CFAP299: variants seen among roughly 807,000 people sequenced by gnomAD.
The protein encoded by CFAP299 is cilia- and flagella-associated protein 299.
A neutral mutation model predicts 27.0 loss-of-function variants in CFAP299; 21 were observed. The observed-to-expected ratio is 0.78, with a 90% CI of 0.55 to 1.12. The LOEUF is 1.12. CFAP299 is among the 50% of genes most tolerant of loss of function. CFAP299 has a pLI of 0.00. For synonymous variants in CFAP299, 104 were observed against 98.1 expected (o/e 1.06, Z -0.36); for missense variants, 310 against 276.6 (o/e 1.12, Z -0.86).
intron 2 of CFAP299, among the ~76,000 whole-genome samples, chr4:80,524,640 C>A (rs1296954750): frequency 6.6e-6 from 1 of 152,098 alleles, no homozygotes; most frequent in Non-Finnish European, 1.5e-5. Flanking sequence ...CAAAGCAAAA[C>A]TCATGATGGA....
chr4:80,470,686 A>G (rs1729950531), intron 2 of CFAP299, among the ~76,000 whole-genome samples: 1 of 152,152 alleles, frequency 6.6e-6, no homozygotes, highest in East Asian at 1.9e-4. Context: ...AGCATGACAT[A>G]CTATTCATGA....
intron 4 of CFAP299, among the ~76,000 whole-genome samples, chr4:80,878,423 A>G (rs777799947): frequency 6.6e-6 from 1 of 152,084 alleles, no homozygotes; most frequent in Admixed American, 6.5e-5. Context: ...GAACTTCTCC[A>G]TTACATATTG....
intron 2 of CFAP299, among the ~76,000 whole-genome samples, chr4:80,492,435 G>A (rs909173495): frequency 6.6e-6 from 1 of 152,174 alleles, no homozygotes; most frequent in African/African-American, 2.4e-5. Flanking sequence ...ATAAACATAT[G>A]ATGGCTCATC....
At chr4:80,961,185 T>A (rs1738327119) in intron 5 of CFAP299, among the ~76,000 whole-genome samples, 1 of 151,744 alleles carries the variant, frequency 6.6e-6, no homozygotes, top group African/African-American at 2.4e-5. Flanking sequence ...TTTCATTATC[T>A]AAAATATTGT....
At chr4:80,694,336 G>A (rs1324410557) in intron 3 of CFAP299, among the ~76,000 whole-genome samples, 3 of 152,194 alleles carry the variant, frequency 2.0e-5, no homozygotes, top group Non-Finnish European at 1.5e-5. Flanking sequence ...CATGCCACCT[G>A]ACTGAGAGTG....
intron 3 of CFAP299, among the ~76,000 whole-genome samples, chr4:80,827,628 C>CT (rs1206771438): frequency 2.6e-5 from 4 of 151,826 alleles, no homozygotes. Context: ...AGTTTTTTCT[C>CT]TAAGATCAGG....
At chr4:80,400,171 A>G (rs1196602372) in intron 2 of CFAP299, among the ~76,000 whole-genome samples, 4 of 152,172 alleles carry the variant, frequency 2.6e-5, no homozygotes, top group Non-Finnish European at 5.9e-5. Context: ...GAATAATTTG[A>G]CAGTCAACTG....
At chr4:80,691,544 C>T (rs1720694539) in intron 3 of CFAP299, among the ~76,000 whole-genome samples, 1 of 152,038 alleles carries the variant, frequency 6.6e-6, no homozygotes, top group Non-Finnish European at 1.5e-5. Context: ...GGACGTATTT[C>T]AAAATAATAG....
intron 3 of CFAP299, among the ~76,000 whole-genome samples, chr4:80,799,475 A>G (rs1245412457): frequency 2.4e-5 from 2 of 83,706 alleles, no homozygotes; most frequent in Non-Finnish European, 4.1e-5. Context: ...TTATAAATAT[A>G]TATTTATTAA....
At chr4:80,864,727 G>T (rs769789395) in intron 3 of CFAP299, among the ~76,000 whole-genome samples, 2 of 151,320 alleles carry the variant, frequency 1.3e-5, no homozygotes, top group Non-Finnish European at 1.5e-5. Flanking sequence ...ATCCCCTAAG[G>T]AATTTATAAA....
In CFAP299 at chr4:80,388,578, A is replaced by G. The variant is rs1476486638; in HGVS notation, c.242+25694A>G. The G allele has an allele frequency of 2.8e-6, 4 of 1,429,544 alleles. No individual in the cohort carries two copies. The Admixed American group carries it at 5.1e-5, about 18-fold the overall frequency. The allele number at this position is 1,429,544 out of a possible 1,614,324, so 88.6% of individuals were successfully genotyped here. A position where few individuals can be genotyped will look rare whatever the true frequency, so the allele number is the denominator to read the frequency against. On this transcript the variant is annotated intron_variant, in intron 2 of 5. Coordinates refer to ENST00000358105, the MANE Select transcript of CFAP299 (RefSeq NM_152770.3). ...CAGAGAAAGACATCCTCATCATCCAATGGCTGGATAGCAGGGGACGCATTG... is the reference window on the plus strand; with the variant it reads ...CAGAGAAAGACATCCTCATCATCCAGTGGCTGGATAGCAGGGGACGCATTG...
intron 3 of CFAP299, among the ~76,000 whole-genome samples, chr4:80,762,225 G>A (rs1018602827): frequency 2.0e-5 from 3 of 151,812 alleles, no homozygotes; most frequent in African/African-American, 4.8e-5. Context: ...TTTTCTGAAC[G>A]TTGATGGACT....
At chr4:80,394,565 G>GAA (rs1725673041) in intron 2 of CFAP299, among the ~76,000 whole-genome samples, 1 of 151,862 alleles carries the variant, frequency 6.6e-6, no homozygotes, top group East Asian at 1.9e-4. Flanking sequence ...AGTTTCTTAC[G>GAA]TATAAGTCAT....
At chr4:80,322,950 A>G in the CFAP299 span, among the ~76,000 whole-genome samples, 1 of 152,234 alleles carries the variant, frequency 6.6e-6, no homozygotes, top group Admixed American at 6.5e-5. Context: ...CAGGAGTGCC[A>G]CCCACAGGAA....
chr4:80,902,851 A>T (rs1379186123), intron 4 of CFAP299, among the ~76,000 whole-genome samples: 2 of 151,994 alleles, frequency 1.3e-5, no homozygotes, highest in African/African-American at 4.8e-5. Flanking sequence ...AGAATAAAAT[A>T]TATAGGACAT....
rs72881521 is a variant in CFAP299 at position 80,821,144 on chromosome 4, T to C, written c.334-48849T>C. On this transcript the variant is annotated intron_variant, in intron 3 of 5. Coordinates refer to ENST00000358105, the MANE Select transcript of CFAP299 (RefSeq NM_152770.3). ...GTGATCCCTTCAGTAGAAATTGTTATTGACTACTGTAATTAAGATATTAAA... is the reference window on the plus strand; with the variant it reads ...GTGATCCCTTCAGTAGAAATTGTTACTGACTACTGTAATTAAGATATTAAA... Among the ~76,000 whole-genome samples the C allele has an allele frequency of 3.0e-3, 456 of 152,318 alleles. 1 individual carries two copies. Among genetic ancestry groups the C allele is most frequent in the African/African-American group, 0.011 (439 of 41,568 alleles).
intron 4 of CFAP299, among the ~76,000 whole-genome samples, chr4:80,884,050 G>C (rs1023655019): frequency 6.6e-6 from 1 of 152,052 alleles, no homozygotes; most frequent in African/African-American, 2.4e-5. Context: ...CTGGTGTGTG[G>C]TGTTCCCTTC....
chr4:80,742,159 G>C (rs1031039186), intron 3 of CFAP299, among the ~76,000 whole-genome samples: 7 of 152,262 alleles, frequency 4.6e-5, no homozygotes, highest in Middle Eastern at 6.8e-3. Context: ...ATCAGGTACT[G>C]TTATTGCTCA....
chr4:80,935,262 C>G (rs1736831441), intron 4 of CFAP299, among the ~76,000 whole-genome samples: 1 of 151,882 alleles, frequency 6.6e-6, no homozygotes, highest in African/African-American at 2.4e-5. Flanking sequence ...GCTTAAATTC[C>G]TAAGCAAAAA....
Sources: gnomAD v4.1 joint callset for allele counts (sites outside exome capture counted in the v4.1 genomes callset) on GRCh38, gnomAD v4.1.1 for gene constraint, MANE v1.5 for transcripts, NCBI Gene and HGNC (gene_info 2026-07-23, HGNC 2026-07-21) for gene names.